The following CHMP2B variants were observed in gnomAD, a reference collection of about 807,000 sequenced individuals.
CHMP2B encodes the protein VPS2 homolog B.
A neutral mutation model predicts 29.8 loss-of-function variants in CHMP2B; 22 were observed. That is an observed-to-expected ratio of 0.74 (90% CI 0.53 to 1.05). The LOEUF (loss-of-function observed/expected upper bound fraction) is 1.05. Ranked by LOEUF, CHMP2B falls within the 50% of genes least tolerant of loss-of-function variation. The probability of loss-of-function intolerance (pLI) is 0.00; values close to 1 mark genes in which losing one functional copy is unlikely to be tolerated. For synonymous variants in CHMP2B, 78 were observed against 75.8 expected (o/e 1.03, Z -0.15); for missense variants, 261 against 252.2 (o/e 1.03, Z -0.24).
At position 87,236,387 on chromosome 3, in the gene CHMP2B, A is replaced by G. The variant is rs145046693; in HGVS notation, c.35-4312A>G. Among the ~76,000 whole-genome samples the G allele has an allele frequency of 3.4e-3, 511 of 152,272 alleles. 2 individuals carry two copies. Among genetic ancestry groups the G allele is most frequent in the Non-Finnish European group, 5.0e-3 (343 of 68,022 alleles). ...GTGCCAGGCACCCAGGATGAAGACCACATTTATATTTTTAATATCACCCTC... is the reference window on the plus strand; with the variant it reads ...GTGCCAGGCACCCAGGATGAAGACCGCATTTATATTTTTAATATCACCCTC... On this transcript the variant is annotated intron_variant, in intron 1 of 5. Transcript: ENST00000263780.
chr3:87,236,901 T>C (rs1706025030), intron 1 of CHMP2B, among the ~76,000 whole-genome samples: 2 of 152,186 alleles, frequency 1.3e-5, no homozygotes, highest in Admixed American at 1.3e-4. Flanking sequence ...ATTCATCTTA[T>C]ACTAGTTGAG....
In CHMP2B at chr3:87,227,356, G is replaced by A. The variant is rs1705826017; in HGVS notation, c.-167G>A. 7.2e-6 allele frequency: 5 copies of A among 696,144 alleles called. No homozygotes were observed. The highest frequency in any genetic ancestry group is 2.4e-5 in the Admixed American group (1 of 42,406). 43.1% of individuals were successfully genotyped at this position (696,144 alleles called of 1,614,324 possible). ...TCCGGGTGACGCGGCTGCGGTAGCT[G>A]CGGATACAAGCCTTCCGCGGGTCCT... On this transcript the variant is annotated 5_prime_UTR_variant, in exon 1 of 6. Transcript: ENST00000263780.
chr3:87,242,801 C>A (rs532054451), intron 2 of CHMP2B, among the ~76,000 whole-genome samples: 1 of 152,218 alleles, frequency 6.6e-6, no homozygotes, highest in South Asian at 2.1e-4. Context: ...TACATGACTG[C>A]TTTTAAGCTA....
At chr3:87,235,128 A>T (rs753642537) in intron 1 of CHMP2B, among the ~76,000 whole-genome samples, 1 of 152,238 alleles carries the variant, frequency 6.6e-6, no homozygotes, top group South Asian at 2.1e-4. Context: ...ACAAGCAAAT[A>T]AATAAATATA....
Position 87,254,694 on chromosome 3 carries a change from A to T in CHMP2B, c.*872A>T, listed in dbSNP as rs1706373437. On this transcript the variant is annotated 3_prime_UTR_variant, in exon 6 of 6. Coordinates refer to ENST00000263780, the MANE Select transcript of CHMP2B (RefSeq NM_014043.4). ...TAGTAAAAATAGACGATGAATAAAT[A>T]ACACTTTATAGTAAGAAAACAATAT... is the stretch of plus-strand genomic sequence containing the variant. The T allele has an allele frequency of 6.6e-6, 1 of 151,928 alleles. No individual in the cohort carries two copies. The highest frequency in any genetic ancestry group is 2.4e-5 in the African/African-American group (1 of 41,424). 9.4% of individuals were successfully genotyped at this position (151,928 alleles called of 1,614,324 possible).
At chr3:87,251,649 T>G (rs921076932) in intron 4 of CHMP2B, among the ~76,000 whole-genome samples, 37 of 152,104 alleles carry the variant, frequency 2.4e-4, no homozygotes, top group African/African-American at 8.7e-4. Flanking sequence ...ATTCAAGGTG[T>G]AAATCAGCAT....
intron 4 of CHMP2B, among the ~76,000 whole-genome samples, chr3:87,250,507 G>T (rs1706295940): frequency 6.6e-6 from 1 of 151,734 alleles, no homozygotes; most frequent in East Asian, 1.9e-4. Context: ...TTTATTTTCT[G>T]TTTTTTTCTC....
At chr3:87,227,724 A>T (rs531022045) in intron 1 of CHMP2B, among the ~76,000 whole-genome samples, 168 bp downstream of exon 1, 1 of 151,682 alleles carries the variant, frequency 6.6e-6, no homozygotes, top group Non-Finnish European at 1.5e-5. Context: ...CTTGCTTCTG[A>T]CTCACCTCAC....
chr3:87,240,627 G>T lies in CHMP2B; in HGVS notation c.35-72G>T. Reference sequence around the variant, plus strand: ...AAGATTTTTTTAAATCATGATCTGTGAATCCAGTATTTTAAATGATATTGA... The same window carrying T: ...AAGATTTTTTTAAATCATGATCTGTTAATCCAGTATTTTAAATGATATTGA... On this transcript the variant is annotated intron_variant, in intron 1 of 5. Transcript: ENST00000263780. 4 of 1,047,528 alleles carry T rather than the reference G, an allele frequency of 3.8e-6. No individual in the cohort carries two copies. The South Asian group carries it at 5.1e-5, about 13-fold the overall frequency. 64.9% of individuals were successfully genotyped at this position (1,047,528 alleles called of 1,614,324 possible).
intron 4 of CHMP2B, chr3:87,253,026 A>G (rs902402257): frequency 5.2e-6 from 1 of 190,570 alleles, no homozygotes; most frequent in Non-Finnish European, 1.1e-5. Flanking sequence ...CGTTTTCCAG[A>G]TATTAACAGG....
intron 1 of CHMP2B, among the ~76,000 whole-genome samples, chr3:87,239,029 G>A (rs1706067088): frequency 6.6e-6 from 1 of 151,980 alleles, no homozygotes; most frequent in Admixed American, 6.6e-5. Flanking sequence ...TAATGTTGTG[G>A]AGCACACTTT....
At chr3:87,252,835 T>C (rs1706339641) in intron 4 of CHMP2B, among the ~76,000 whole-genome samples, 1 of 151,926 alleles carries the variant, frequency 6.6e-6, no homozygotes, top group African/African-American at 2.4e-5. Flanking sequence ...AATAAATATT[T>C]TGGGGAGGGA....
At chr3:87,236,548 G>T (rs565144444) in intron 1 of CHMP2B, among the ~76,000 whole-genome samples, 1 of 151,932 alleles carries the variant, frequency 6.6e-6, no homozygotes, top group African/African-American at 2.4e-5. Flanking sequence ...TATTGTTGTA[G>T]CTTGTATAAG....
At position 87,253,883 on chromosome 3, in the gene CHMP2B, C is replaced by G; in HGVS notation, c.*61C>G. On this transcript the variant is annotated 3_prime_UTR_variant, in exon 6 of 6. Transcript: ENST00000263780. ...TATGTAGTATAAACCAAGCACAGTG[C>G]AGATTTCTTTTACAAAACACATGTA... 3 of 1,177,834 alleles carry G rather than the reference C, an allele frequency of 2.5e-6. No homozygotes were observed. The highest frequency in any genetic ancestry group is 3.7e-6 in the Non-Finnish European group (3 of 804,884). 73.0% of individuals were successfully genotyped at this position (1,177,834 alleles called of 1,614,324 possible).
chr3:87,227,557 G>T lies in CHMP2B; in HGVS notation c.34+1G>T. The stretch of plus-strand genomic sequence containing the variant: ...CTCTTCAAGAAGAAAACCGTGGATG[G>T]TGAGTTCCAGGCCGGGCTGAAGGGG... On this transcript the variant is annotated splice_donor_variant, in intron 1 of 5. Transcript: ENST00000263780. LOFTEE classifies it high-confidence loss of function. 6.2e-7 allele frequency: 1 copy of T among 1,614,154 alleles called. No individual in the cohort carries two copies. The highest frequency in any genetic ancestry group is 1.7e-5 in the Admixed American group (1 of 60,026).
rs1414017616 is a variant in CHMP2B at position 87,253,400 on chromosome 3, C to T, written c.425-4C>T. On this transcript the variant is annotated splice_polypyrimidine_tract_variant and splice_region_variant and intron_variant, in intron 4 of 5. Coordinates refer to ENST00000263780, the MANE Select transcript of CHMP2B (RefSeq NM_014043.4). The stretch of plus-strand genomic sequence containing the variant: ...TGCTTTGCTCCTTCTCCCATATCCC[C>T]TAGTCAATGATACACTTGATGACAT... The T allele has an allele frequency of 5.8e-6, 9 of 1,558,486 alleles. No individual in the cohort carries two copies. The highest frequency in any genetic ancestry group is 7.1e-6 in the Non-Finnish European group (8 of 1,129,672).
At chr3:87,227,947 G>A (rs961904364) in intron 1 of CHMP2B, among the ~76,000 whole-genome samples, 3 of 152,164 alleles carry the variant, frequency 2.0e-5, no homozygotes, top group African/African-American at 7.2e-5. Flanking sequence ...ATCCATACAG[G>A]AAACTGGCAG....
At chr3:87,249,746 T>C in intron 3 of CHMP2B, 129 bp from the exon 4 acceptor site, 1 of 586,660 alleles carries the variant, frequency 1.7e-6, no homozygotes, top group East Asian at 3.0e-5. Flanking sequence ...TAACAGTCTA[T>C]GTTTGATTAC....
intron 5 of CHMP2B, 87 bp from the exon 6 acceptor site, chr3:87,253,625 T>C: frequency 2.2e-6 from 3 of 1,381,030 alleles, no homozygotes; most frequent in Non-Finnish European, 3.1e-6. Context: ...CAAAAGTAAA[T>C]TAAACAGACC....
Sources: allele counts gnomAD v4.1 joint callset (sites outside exome capture counted in the v4.1 genomes callset), GRCh38; gene constraint gnomAD v4.1.1; transcripts MANE v1.5; gene names NCBI Gene and HGNC (gene_info 2026-07-23, HGNC 2026-07-21).